ZNF728: variants seen among roughly 807,000 people sequenced by gnomAD.
ZNF728 encodes zinc finger protein 728.
Under a neutral mutation model 12.5 loss-of-function variants are expected in ZNF728, and 12 were observed. That is an observed-to-expected ratio of 0.96 (90% CI 0.61 to 1.55). The LOEUF (loss-of-function observed/expected upper bound fraction) is 1.55. ZNF728 is among the 40% of genes most tolerant of loss of function. ZNF728 has a pLI of 0.00. For synonymous variants in ZNF728, 205 were observed against 240.7 expected (o/e 0.85, Z 1.37); for missense variants, 692 against 719.2 (o/e 0.96, Z 0.43).
chr19:22,983,287 CA>C (rs1968879756), intron 3 of ZNF728, among the ~76,000 whole-genome samples: 1 of 152,076 alleles, frequency 6.6e-6, no homozygotes, highest in Non-Finnish European at 1.5e-5. Flanking sequence ...TAGAGAAATG[CA>C]AATGAAAACC....
In ZNF728 at chr19:22,987,362, G is replaced by T; in HGVS notation, c.172C>A (p.Gln58Lys). ...PKPDLIIFLE[Q>K]GKEPWNMKRH... ...TTCATATTCCAGGGCTCTTTTCCTT[G>T]CTCCAGAAAAATGATCAGGTCTGGC... The change falls in exon 3 of 4, where the codon CAA becomes AAA. Residue 58 changes from glutamine to lysine, a missense_variant. Gln to Lys is a moderately conservative substitution (Grantham distance 53, BLOSUM62 1). Transcript: ENST00000594710. The T allele has an allele frequency of 6.2e-7, 1 of 1,611,494 alleles. No homozygotes were observed. Among genetic ancestry groups the T allele is most frequent in the Non-Finnish European group, 8.5e-7 (1 of 1,178,870 alleles).
At position 22,975,701 on chromosome 19, in the gene ZNF728, T is replaced by A. The variant is rs755716040; in HGVS notation, c.1636A>T (p.Ile546Phe). ...YKCEECGKAF[I>F]WSSRLSEHKR... Reference sequence around the variant, plus strand: ...TGTTCACTAAGTCTTGAGGACCAGATGAAGGCTTTGCCACATTCTTCACAT... The same window carrying A: ...TGTTCACTAAGTCTTGAGGACCAGAAGAAGGCTTTGCCACATTCTTCACAT... Residue 546 changes from isoleucine to phenylalanine, a missense_variant, in exon 4 of 4, where the codon ATC becomes TTC. Coordinates refer to ENST00000594710, the MANE Select transcript of ZNF728 (RefSeq NM_001267716.2). 2.5e-6 allele frequency: 4 copies of A among 1,611,782 alleles called. No individual in the cohort carries two copies. Among genetic ancestry groups the A allele is most frequent in the Non-Finnish European group, 2.5e-6 (3 of 1,179,852 alleles).
In ZNF728 at chr19:22,975,539, C is replaced by A; in HGVS notation, c.1798G>T (p.Asp600Tyr). ...KFYKCEECGK[D>Y]FNQSSHLTTH... ...GTAAGGTGTGAGGATTGGTTGAAGT[C>A]TTTACCACATTCTTCACATTTGTAG... Residue 600 changes from aspartate to tyrosine, a missense_variant, in exon 4 of 4, where the codon GAC becomes TAC. Physicochemically the swap from Asp to Tyr is radical, Grantham distance 160. Around this residue, in one of 3 missense-constraint regions of ZNF728, gnomAD observed 244 missense variants for 235.2 expected, o/e 1.04. Coordinates refer to ENST00000594710, the MANE Select transcript of ZNF728 (RefSeq NM_001267716.2). The A allele has an allele frequency of 6.3e-7, 1 of 1,578,144 alleles. No individual in the cohort carries two copies. Among genetic ancestry groups the A allele is most frequent in the Non-Finnish European group, 8.6e-7 (1 of 1,163,312 alleles).
intron 3 of ZNF728, among the ~76,000 whole-genome samples, chr19:22,981,306 T>C (rs750092066): frequency 2.0e-5 from 3 of 152,174 alleles, no homozygotes; most frequent in African/African-American, 7.2e-5. Flanking sequence ...CCTGGACACA[T>C]GCACCCTTCC....
intron 3 of ZNF728, among the ~76,000 whole-genome samples, chr19:22,984,039 G>A (rs1396048258): frequency 1.3e-5 from 2 of 151,760 alleles, no homozygotes; most frequent in Admixed American, 6.6e-5. Context: ...ACAAGGAAAC[G>A]GACTACTTAA....
intron 1 of ZNF728, among the ~76,000 whole-genome samples, chr19:22,997,826 C>G (rs2145354314): frequency 6.7e-6 from 1 of 149,864 alleles, no homozygotes; most frequent in Admixed American, 6.6e-5. Context: ...ACTAACCTCA[C>G]AAAAATATAC....
chr19:22,993,013 G>A (rs566975094), intron 1 of ZNF728, among the ~76,000 whole-genome samples: 1 of 152,240 alleles, frequency 6.6e-6, no homozygotes, highest in African/African-American at 2.4e-5. Flanking sequence ...GTAAGTAGAA[G>A]GACAAGAATA....
chr19:22,986,528 C>T (rs546793152), intron 3 of ZNF728, among the ~76,000 whole-genome samples: 3 of 151,816 alleles, frequency 2.0e-5, no homozygotes, highest in South Asian at 2.1e-4. Context: ...AATAAATATC[C>T]GAGAACAAAT....
At chr19:22,998,314 GT>G in intron 1 of ZNF728, among the ~76,000 whole-genome samples, 1 of 150,848 alleles carries the variant, frequency 6.6e-6, no homozygotes, top group East Asian at 1.9e-4. Flanking sequence ...GAGCTCAGGA[GT>G]TTGAGACCGG....
At chr19:22,984,832 AAATAATAAT>A (rs553980900) in intron 3 of ZNF728, among the ~76,000 whole-genome samples, 1 of 151,818 alleles carries the variant, frequency 6.6e-6, no homozygotes, top group African/African-American at 2.4e-5. Flanking sequence ...AACAATCTTA[AAATAATAAT>A]AATAATAATA....
rs371025464 is a variant in ZNF728 at position 22,975,727 on chromosome 19, T to C, written c.1610A>G (p.Lys537Arg). Reference sequence around the variant, plus strand: ...GAAGGCTTTGCCACATTCTTCACATTTGTATTGTTTCTCTCCAGTATGAAT... The same window carrying C: ...GAAGGCTTTGCCACATTCTTCACATCTGTATTGTTTCTCTCCAGTATGAAT... ...KVIHTGEKQYKCEECGKAFIW... is the reference protein window; with the variant it reads ...KVIHTGEKQYRCEECGKAFIW... Residue 537 changes from lysine to arginine, a missense_variant, in exon 4 of 4, where the codon AAA becomes AGA. Physicochemically the swap from Lys to Arg is conservative, Grantham distance 26. Around this residue, in one of 3 missense-constraint regions of ZNF728, gnomAD observed 244 missense variants for 235.2 expected, o/e 1.04. Transcript: ENST00000594710. The C allele has an allele frequency of 5.5e-5, 88 of 1,611,680 alleles. No individual in the cohort carries two copies. The African/African-American group carries it at 5.7e-4, about 11-fold the overall frequency.
At chr19:23,002,984 C>G in intron 1 of ZNF728, 44 bp downstream of exon 1, 15 of 1,587,012 alleles carry the variant, frequency 9.5e-6, no homozygotes, top group Non-Finnish European at 1.3e-5. Context: ...CGGTTCCAAC[C>G]AGCGGCTGCC....
chr19:22,986,195 A>T (rs2145340812), intron 3 of ZNF728, among the ~76,000 whole-genome samples: 1 of 152,294 alleles, frequency 6.6e-6, no homozygotes, highest in Non-Finnish European at 1.5e-5. Flanking sequence ...TTGCGCCTTC[A>T]AATTGAGACA....
intron 2 of ZNF728, among the ~76,000 whole-genome samples, chr19:22,987,740 A>C (rs575010303): frequency 5.3e-5 from 8 of 152,312 alleles, no homozygotes; most frequent in African/African-American, 1.9e-4. Context: ...GTCAAGATGA[A>C]ACATCTTGAA....
chr19:22,992,874 G>A (rs1212718877), intron 1 of ZNF728, among the ~76,000 whole-genome samples: 1 of 152,158 alleles, frequency 6.6e-6, no homozygotes, highest in East Asian at 1.9e-4. Context: ...TGGGCTGATG[G>A]TCCACTGATA....
rs569720847 is a variant in ZNF728, at chr19:22,976,584, A to G, written c.753T>C (p.Thr251=). ...CTTCACATTTGTAATGTTTCTCTCC[A>G]GTATGAATTACCTTATGCTTAGTAA... ...SILTKHKVIH[T]GEKHYKCEEC... The change falls in exon 4 of 4, where the codon ACT becomes ACC. Residue 251 remains threonine (T), a synonymous_variant. Transcript: ENST00000594710. The G allele has an allele frequency of 1.2e-6, 2 of 1,611,076 alleles. No individual in the cohort carries two copies. Among genetic ancestry groups the G allele is most frequent in the Non-Finnish European group, 1.7e-6 (2 of 1,178,612 alleles).
At chr19:22,979,275 T>A (rs1001052970) in intron 3 of ZNF728, among the ~76,000 whole-genome samples, 3 of 151,686 alleles carry the variant, frequency 2.0e-5, no homozygotes, top group Non-Finnish European at 4.4e-5. Flanking sequence ...AGACTGAAGA[T>A]CAACTTAATG....
Position 22,988,965 on chromosome 19 carries a change from C to T in ZNF728, c.4-514G>A, listed in dbSNP as rs374586715. On this transcript the variant is annotated intron_variant, in intron 1 of 3. Transcript: ENST00000594710. Reference sequence around the variant, plus strand: ...ACTTGGGAGGCTGAGGCAGGAGAATCGCTTGAACCCAGGAGGCGGACGTTG... The same window carrying T: ...ACTTGGGAGGCTGAGGCAGGAGAATTGCTTGAACCCAGGAGGCGGACGTTG... Among the ~76,000 whole-genome samples the T allele has an allele frequency of 2.3e-4, 34 of 147,312 alleles. No individual in the cohort carries two copies. The East Asian group carries it at 5.5e-3, about 24-fold the overall frequency.
Position 22,976,606 on chromosome 19 carries a change from G to A in ZNF728, c.731C>T (p.Thr244Ile). 6.2e-7 allele frequency: 1 copy of A among 1,610,778 alleles called. No individual in the cohort carries two copies. Among genetic ancestry groups the A allele is most frequent in the Non-Finnish European group, 8.5e-7 (1 of 1,178,468 alleles). ...TCCAGTATGAATTACCTTATGCTTA[G>A]TAAGGATTGAGAACTTACTAAAGGC... ...GKAFSKFSILTKHKVIHTGEK... is the reference protein window; with the variant it reads ...GKAFSKFSILIKHKVIHTGEK... The change falls in exon 4 of 4, where the codon ACT becomes ATT. Residue 244 changes from threonine (T) to isoleucine (I), a missense_variant. Physicochemically the swap from Thr to Ile is moderately conservative, Grantham distance 89 (BLOSUM62 -1). Coordinates refer to ENST00000594710, the MANE Select transcript of ZNF728 (RefSeq NM_001267716.2).
Sources: gnomAD v4.1 joint callset for allele counts (sites outside exome capture counted in the v4.1 genomes callset) on GRCh38, gnomAD v4.1.1 for gene constraint, gnomAD v4.1.1 regional missense constraint, MANE v1.5 for transcripts, NCBI Gene and HGNC (gene_info 2026-07-23, HGNC 2026-07-21) for gene names.